CRACR2A: variants seen among roughly 807,000 people sequenced by gnomAD.
CRACR2A encodes the protein calcium release activated channel regulator 2A, also known as EF-hand calcium-binding domain-containing protein 4B.
Under a neutral mutation model 90.5 loss-of-function variants are expected in CRACR2A, and 79 were observed. That is an observed-to-expected ratio of 0.87 (90% CI 0.73 to 1.05). The LOEUF (loss-of-function observed/expected upper bound fraction) is 1.05. Among genes scored for constraint, CRACR2A ranks in the 50% least tolerant of loss-of-function variants. The pLI is 0.00. For missense variants in CRACR2A, 823 were observed against 897.2 expected, an observed-to-expected ratio of 0.92 and a Z score of 1.06; for synonymous variants, 338 against 356.7, an observed-to-expected ratio of 0.95 and a Z score of 0.59.
At chr12:3,650,047 C>T (rs1365359184) in intron 10 of CRACR2A, among the ~76,000 whole-genome samples, 2 of 152,164 alleles carry the variant, frequency 1.3e-5, no homozygotes, top group Non-Finnish European at 2.9e-5. Flanking sequence ...AATCACCCTC[C>T]GATCTTACTA....
intron 17 of CRACR2A, among the ~76,000 whole-genome samples, chr12:3,622,976 G>A (rs1365963256): frequency 1.3e-5 from 2 of 152,212 alleles, no homozygotes; most frequent in African/African-American, 4.8e-5. Context: ...ATCGCAGAAT[G>A]AGGTTTAGCT....
rs533164585 is a variant in CRACR2A at position 3,615,384 on chromosome 12, G to C, written c.2167C>G (p.Pro723Ala). Residue 723 changes from proline (P) to alanine (A), a missense_variant, in exon 20 of 20, where the codon CCT becomes GCT. Coordinates refer to ENST00000440314, the MANE Select transcript of CRACR2A (RefSeq NM_001144958.2). ...VREDTIQVGH[P>A]AKKKSCCG ...CCACAGCAGGATTTCTTCTTAGCAG[G>C]GTGGCCGACCTGAATGGTGTCCTCT... is the stretch of plus-strand genomic sequence containing the variant. 4.1e-5 allele frequency: 63 copies of C among 1,551,608 alleles called. No homozygotes were observed. Among genetic ancestry groups the C allele is most frequent in the Non-Finnish European group, 5.2e-5 (60 of 1,146,944 alleles).
intron 2 of CRACR2A, among the ~76,000 whole-genome samples, chr12:3,721,820 T>C (rs939148300): frequency 2.6e-5 from 4 of 152,198 alleles, no homozygotes; most frequent in East Asian, 1.9e-4. Context: ...GTATTTCCTA[T>C]ATTCTCTGTG....
At chr12:3,643,336 C>T (rs774534057) in intron 12 of CRACR2A, among the ~76,000 whole-genome samples, 5 of 152,128 alleles carry the variant, frequency 3.3e-5, no homozygotes, top group Admixed American at 6.5e-5. Flanking sequence ...TCTAGGTCAC[C>T]GTTCAGCTAA....
At chr12:3,680,101 T>C (rs1945417067) in intron 5 of CRACR2A, 137 bp downstream of exon 5, 1 of 644,390 alleles carries the variant, frequency 1.6e-6, no homozygotes. Flanking sequence ...CCTGGAGACC[T>C]TGAGCTCCAG....
intron 9 of CRACR2A, among the ~76,000 whole-genome samples, chr12:3,656,035 C>T (rs140866723): frequency 1.7e-3 from 259 of 152,270 alleles, no homozygotes; most frequent in East Asian, 1.9e-3. Context: ...TTGGCATTCT[C>T]GTGGCTCCTG....
At chr12:3,657,936 C>T (rs767431984) in intron 8 of CRACR2A, among the ~76,000 whole-genome samples, 10 of 152,126 alleles carry the variant, frequency 6.6e-5, no homozygotes, top group Admixed American at 1.3e-4. Flanking sequence ...AATTCCGGTC[C>T]GAGGGTCCAG....
chr12:3,662,206 C>A (rs1945050315), intron 7 of CRACR2A, among the ~76,000 whole-genome samples: 1 of 152,182 alleles, frequency 6.6e-6, no homozygotes, highest in African/African-American at 2.4e-5. Flanking sequence ...TGGAAGCAAG[C>A]TTTTGGAAAG....
At chr12:3,647,283 CTCAGCTT>C (rs1316349720) in intron 11 of CRACR2A, among the ~76,000 whole-genome samples, 9 of 151,570 alleles carry the variant, frequency 5.9e-5, no homozygotes, top group Admixed American at 6.6e-5. Flanking sequence ...CCCTCCACCT[CTCAGCTT>C]TCATTAGCCA....
Position 3,673,440 on chromosome 12 carries a change from A to G in CRACR2A, c.671+6T>C, listed in dbSNP as rs1416673652. The G allele has an allele frequency of 6.8e-6, 11 of 1,609,176 alleles. No homozygotes were observed. The highest frequency in any genetic ancestry group is 9.3e-6 in the Non-Finnish European group (11 of 1,178,808). ...TACAGAAAGCGGCTGACACTGGGGT[A>G]CCCACCTTTTTAGGGCACACTCCAG... is the stretch of plus-strand genomic sequence containing the variant. On this transcript the variant is annotated splice_donor_region_variant and intron_variant, in intron 7 of 19. Transcript: ENST00000440314.
At chr12:3,625,688 AG>A (rs1944244158) in intron 17 of CRACR2A, among the ~76,000 whole-genome samples, 1 of 150,404 alleles carries the variant, frequency 6.6e-6, no homozygotes, top group Non-Finnish European at 1.5e-5. Flanking sequence ...ATGCTGAAAA[AG>A]GCAAGGCAGC....
At position 3,633,422 on chromosome 12, in the gene CRACR2A, G is replaced by A. The variant is rs1457988284; in HGVS notation, c.1735+182C>T. Among the ~76,000 whole-genome samples the A allele has an allele frequency of 6.6e-6, 1 of 152,118 alleles. No individual in the cohort carries two copies. Among genetic ancestry groups the A allele is most frequent in the Admixed American group, 6.5e-5 (1 of 15,274 alleles). Reference sequence around the variant, plus strand: ...GAGCTTAGCAGCTAGCAGCGTGAGGGGAGGTGGCTTCATCTTGCCCCTCCC... The same window carrying A: ...GAGCTTAGCAGCTAGCAGCGTGAGGAGAGGTGGCTTCATCTTGCCCCTCCC... On this transcript the variant is annotated intron_variant, in intron 15 of 19. Transcript: ENST00000440314. This position sits in a 1 kb window ranked among gnomAD's most constrained non-coding sequence, Gnocchi z 4.5.
chr12:3,740,572 T>G (rs1213013611), intron 1 of CRACR2A, among the ~76,000 whole-genome samples: 4 of 152,204 alleles, frequency 2.6e-5, no homozygotes, highest in Non-Finnish European at 4.4e-5. Context: ...TCCACAGTCA[T>G]AATTTTATTT....
Position 3,678,795 on chromosome 12 carries a change from C to T in CRACR2A, c.524+120G>A, listed in dbSNP as rs145192185. 5.1e-4 allele frequency: 581 copies of T among 1,141,204 alleles called. 12 individuals carry two copies. The East Asian group carries it at 0.015, about 29-fold the overall frequency. The allele number at this position is 1,141,204 out of a possible 1,614,324, so 70.7% of individuals were successfully genotyped here. ...GGCAGAACCAGCGGGCCTTTACCTGCACTGCATTCCAGTGCAGGGACCAGC... is the reference window on the plus strand; with the variant it reads ...GGCAGAACCAGCGGGCCTTTACCTGTACTGCATTCCAGTGCAGGGACCAGC... On this transcript the variant is annotated intron_variant, in intron 6 of 19. Coordinates refer to ENST00000440314, the MANE Select transcript of CRACR2A (RefSeq NM_001144958.2).
At chr12:3,668,232 G>A (rs1412365236) in intron 7 of CRACR2A, among the ~76,000 whole-genome samples, 1 of 152,132 alleles carries the variant, frequency 6.6e-6, no homozygotes, top group Non-Finnish European at 1.5e-5. Context: ...CCTAAGAATA[G>A]GACTAGCATT....
chr12:3,737,234 T>C (rs764933581), intron 1 of CRACR2A, among the ~76,000 whole-genome samples: 6 of 151,796 alleles, frequency 4.0e-5, no homozygotes, highest in Non-Finnish European at 4.4e-5. Flanking sequence ...GGAAGCCTGT[T>C]AAGGAGGGAG....
chr12:3,715,858 T>C (rs1457361945), intron 2 of CRACR2A, among the ~76,000 whole-genome samples: 3 of 152,194 alleles, frequency 2.0e-5, no homozygotes, highest in Non-Finnish European at 4.4e-5. Context: ...CTTTTTTGCA[T>C]TATTAACTGA....
chr12:3,742,915 G>T (rs1207175778), intron 1 of CRACR2A, among the ~76,000 whole-genome samples: 1 of 152,204 alleles, frequency 6.6e-6, no homozygotes, highest in Admixed American at 6.5e-5. Context: ...CTCTCTCTGC[G>T]CTTGTGTCTG....
At chr12:3,745,821 A>AAAAG (rs1260335176) in intron 1 of CRACR2A, among the ~76,000 whole-genome samples, 39 of 8,962 alleles carry the variant, frequency 4.4e-3, no homozygotes, top group African/African-American at 4.4e-3. Flanking sequence ...AAAATAAAAT[A>AAAAG]AAATAAAGAA....
Sources: allele counts gnomAD v4.1 joint callset (sites outside exome capture counted in the v4.1 genomes callset), GRCh38; gene constraint gnomAD v4.1.1; non-coding constraint Gnocchi (gnomAD v3.1); transcripts MANE v1.5; gene names NCBI Gene and HGNC (gene_info 2026-07-23, HGNC 2026-07-21).